The following SSBP2 variants were observed in gnomAD, a reference collection of about 807,000 sequenced individuals.
The protein encoded by SSBP2 is single-stranded DNA-binding protein 2.
SSBP2 carries 17 observed loss-of-function variants against 61.8 expected under a neutral mutation model. The observed-to-expected ratio is 0.28, with a 90% CI of 0.19 to 0.41. The LOEUF (loss-of-function observed/expected upper bound fraction) is 0.41. SSBP2 is among the 10% of genes least tolerant of loss of function. The pLI is 1.00. For missense variants in SSBP2, 310 were observed against 458.7 expected (o/e 0.68, Z 2.96); for synonymous variants, 139 against 141.3 (o/e 0.98, Z 0.12).
intron 1 of SSBP2, among the ~76,000 whole-genome samples, chr5:81,745,163 T>C (rs1355509649): frequency 6.6e-6 from 1 of 152,122 alleles, no homozygotes; most frequent in African/African-American, 2.4e-5. Context: ...TGTTTTTTAA[T>C]GTCCTCACAC....
At chr5:81,560,672 A>AT (rs1459036083) in intron 4 of SSBP2, among the ~76,000 whole-genome samples, 1 of 152,162 alleles carries the variant, frequency 6.6e-6, no homozygotes, top group Non-Finnish European at 1.5e-5. Context: ...TTTGAAACAG[A>AT]TTAATTTTGA....
chr5:81,442,724 C>A lies in SSBP2; in HGVS notation c.779-1G>T. On this transcript the variant is annotated splice_acceptor_variant, in intron 12 of 16. Transcript: ENST00000320672. LOFTEE classifies it high-confidence loss of function. ...ATGTTATCACCAGAGTTGGTTGAAT[C>A]TGAAACAAAATATTACTTAATTAAA... 1 of 1,520,180 alleles carries A rather than the reference C, an allele frequency of 6.6e-7. No homozygotes were observed. The highest frequency in any genetic ancestry group is 1.4e-5 in the African/African-American group (1 of 71,938). 94.2% of individuals were successfully genotyped at this position (1,520,180 alleles called of 1,614,324 possible).
At chr5:81,742,359 ATAC>A (rs1272545690) in intron 1 of SSBP2, among the ~76,000 whole-genome samples, 3 of 152,356 alleles carry the variant, frequency 2.0e-5, no homozygotes, top group Non-Finnish European at 4.4e-5. Context: ...ATTAATTCTT[ATAC>A]CAAATACTAG....
chr5:81,549,252 C>A (rs944753588), intron 4 of SSBP2, among the ~76,000 whole-genome samples: 1 of 152,072 alleles, frequency 6.6e-6, no homozygotes, highest in Non-Finnish European at 1.5e-5. Flanking sequence ...TTTGGTTTAC[C>A]TTCCTGCCTT....
At chr5:81,638,017 A>G (rs1197461817) in intron 2 of SSBP2, among the ~76,000 whole-genome samples, 1 of 148,488 alleles carries the variant, frequency 6.7e-6, no homozygotes, top group Non-Finnish European at 1.5e-5. Flanking sequence ...AAAACCAAAC[A>G]CCGCATGTTC....
chr5:81,424,382 C>G (rs1000044031), intron 16 of SSBP2, among the ~76,000 whole-genome samples: 2 of 152,010 alleles, frequency 1.3e-5, no homozygotes, highest in Admixed American at 1.3e-4. Context: ...CAAGATCGCA[C>G]CATTGCATTC....
intron 1 of SSBP2, among the ~76,000 whole-genome samples, chr5:81,739,263 G>C (rs1017554117): frequency 6.7e-6 from 1 of 149,704 alleles, no homozygotes; most frequent in Non-Finnish European, 1.5e-5. Flanking sequence ...TAATCTGCCA[G>C]ATTTATCCCT....
chr5:81,596,031 A>G (rs1402782016), intron 4 of SSBP2, among the ~76,000 whole-genome samples: 35 of 152,314 alleles, frequency 2.3e-4, no homozygotes, highest in Non-Finnish European at 1.5e-5. Flanking sequence ...TCAATTAGGA[A>G]AAGAGGAAGT....
At chr5:81,493,158 A>G (rs1193381329) in intron 5 of SSBP2, among the ~76,000 whole-genome samples, 1 of 151,944 alleles carries the variant, frequency 6.6e-6, no homozygotes, top group East Asian at 1.9e-4. Flanking sequence ...TAACAATGAG[A>G]AAGTATGGTA....
At chr5:81,613,778 G>T (rs1280686762) in intron 4 of SSBP2, among the ~76,000 whole-genome samples, 2 of 152,072 alleles carry the variant, frequency 1.3e-5, no homozygotes, top group Non-Finnish European at 2.9e-5. Flanking sequence ...AAGATGAGAT[G>T]GGGTACCCCA....
intron 5 of SSBP2, among the ~76,000 whole-genome samples, chr5:81,493,755 CA>C (rs34311488): frequency 1.1e-4 from 16 of 139,358 alleles, no homozygotes; most frequent in Admixed American, 2.1e-4. Context: ...GACTCCATCT[CA>C]AAAAAAAAAA....
chr5:81,451,457 G>C (rs1343314625), intron 10 of SSBP2, among the ~76,000 whole-genome samples: 1 of 151,548 alleles, frequency 6.6e-6, no homozygotes, highest in Non-Finnish European at 1.5e-5. Flanking sequence ...ATGGAGTTTC[G>C]CTCTTGTTGC....
intron 5 of SSBP2, among the ~76,000 whole-genome samples, chr5:81,512,869 G>A (rs1456172242): frequency 6.6e-6 from 1 of 151,996 alleles, no homozygotes; most frequent in East Asian, 1.9e-4. Flanking sequence ...GTCCTGTAAT[G>A]CCTTTCGACT....
chr5:81,532,180 T>G (rs1770466944), intron 4 of SSBP2, among the ~76,000 whole-genome samples: 1 of 152,130 alleles, frequency 6.6e-6, no homozygotes, highest in African/African-American at 2.4e-5. Flanking sequence ...GAAAAAAATG[T>G]TCCTTAGTAT....
intron 4 of SSBP2, among the ~76,000 whole-genome samples, chr5:81,545,136 T>G (rs770718326): frequency 5.9e-5 from 9 of 152,210 alleles, no homozygotes; most frequent in Non-Finnish European, 1.0e-4. Flanking sequence ...AATTTGAATT[T>G]CAGATAAAAC....
intron 4 of SSBP2, among the ~76,000 whole-genome samples, chr5:81,518,336 G>T (rs888633194): frequency 6.6e-6 from 1 of 152,056 alleles, no homozygotes; most frequent in Non-Finnish European, 1.5e-5. Flanking sequence ...CAAAATTCAG[G>T]TGTTGCCAGT....
At chr5:81,426,482 T>C (rs1379798045) in intron 16 of SSBP2, among the ~76,000 whole-genome samples, 2 of 152,216 alleles carry the variant, frequency 1.3e-5, no homozygotes, top group Non-Finnish European at 2.9e-5. Context: ...CTGTTAACTC[T>C]GCTGGCAGTC....
intron 4 of SSBP2, among the ~76,000 whole-genome samples, chr5:81,585,266 C>G (rs146923038): frequency 6.6e-6 from 1 of 152,012 alleles, no homozygotes; most frequent in Non-Finnish European, 1.5e-5. Context: ...TTTTCTACCT[C>G]TCCTTATACT....
chr5:81,568,644 T>G (rs935775147), intron 4 of SSBP2, among the ~76,000 whole-genome samples: 2 of 152,206 alleles, frequency 1.3e-5, no homozygotes, highest in African/African-American at 4.8e-5. Flanking sequence ...TAGCTGTCAT[T>G]GTACAAATAT....
Sources: allele counts gnomAD v4.1 joint callset (sites outside exome capture counted in the v4.1 genomes callset), GRCh38; gene constraint gnomAD v4.1.1; transcripts MANE v1.5; gene names NCBI Gene and HGNC (gene_info 2026-07-23, HGNC 2026-07-21).